ACSL1: variants seen among roughly 807,000 people sequenced by gnomAD.
ACSL1 encodes acyl-CoA synthetase long chain family member 1.
A neutral mutation model predicts 98.4 loss-of-function variants in ACSL1; 41 were observed. The observed-to-expected ratio is 0.42, with a 90% CI of 0.32 to 0.54. The LOEUF is 0.54. ACSL1 is among the 20% of genes least tolerant of loss of function. The probability of loss-of-function intolerance (pLI) is 0.13; values close to 1 mark genes in which losing one functional copy is unlikely to be tolerated. For synonymous variants in ACSL1, 316 were observed against 322.7 expected (o/e 0.98, Z 0.22); for missense variants, 734 against 883.1 (o/e 0.83, Z 2.14).
Position 184,766,302 on chromosome 4 carries a change from T to C in ACSL1, c.1264-316A>G, listed in dbSNP as rs1763604371. Among the ~76,000 whole-genome samples the C allele has an allele frequency of 6.6e-6, 1 of 152,176 alleles. No individual in the cohort carries two copies. Among genetic ancestry groups the C allele is most frequent in the African/African-American group, 2.4e-5 (1 of 41,418 alleles). ...TCTGGCCTTCTGGGGGGCATGATAT[T>C]GTTACACGTTATCACTCATGCTTGA... On this transcript the variant is annotated intron_variant, in intron 13 of 20. Coordinates refer to ENST00000281455, the MANE Select transcript of ACSL1 (RefSeq NM_001995.5). This position sits in a 1 kb window ranked among gnomAD's most constrained non-coding sequence, Gnocchi z 4.8.
chr4:184,782,089 T>C (rs377275252), intron 4 of ACSL1, among the ~76,000 whole-genome samples: 1 of 152,060 alleles, frequency 6.6e-6, no homozygotes, highest in Non-Finnish European at 1.5e-5. Context: ...AAGGTGACAA[T>C]AGGATGACAC....
At chr4:184,765,080 A>C (rs1763385727) in intron 14 of ACSL1, among the ~76,000 whole-genome samples, 155 bp from the exon 15 acceptor site, 2 of 152,222 alleles carry the variant, frequency 1.3e-5, no homozygotes, top group Admixed American at 1.3e-4. Context: ...TCAATGGTCC[A>C]GTGTGCTTTA....
At chr4:184,796,649 T>G (rs56228947) in intron 2 of ACSL1, among the ~76,000 whole-genome samples, 15,384 of 152,198 alleles carry the variant, frequency 0.1, 952 homozygotes, top group Non-Finnish European at 0.14. Flanking sequence ...CCTAAAAACA[T>G]CCCAGATTTC....
Position 184,766,062 on chromosome 4 carries a change from G to C in ACSL1, c.1264-76C>G. The stretch of plus-strand genomic sequence containing the variant: ...GGCGGCCTCTCCGCCAAGGGGGCCT[G>C]CTTGGGACCCCGTTCCCTAACCCAT... On this transcript the variant is annotated intron_variant, in intron 13 of 20. Coordinates refer to ENST00000281455, the MANE Select transcript of ACSL1 (RefSeq NM_001995.5). The surrounding 1 kb of genome is among the most constrained non-coding windows in gnomAD (Gnocchi z 4.8). 9 of 1,403,638 alleles carry C rather than the reference G, an allele frequency of 6.4e-6. No individual in the cohort carries two copies. Among genetic ancestry groups the C allele is most frequent in the Non-Finnish European group, 8.0e-6 (8 of 1,001,622 alleles). 86.9% of individuals were successfully genotyped at this position (1,403,638 alleles called of 1,614,324 possible).
intron 2 of ACSL1, among the ~76,000 whole-genome samples, chr4:184,796,929 G>C (rs538869808): frequency 4.6e-5 from 7 of 152,300 alleles, no homozygotes; most frequent in Admixed American, 3.9e-4. Flanking sequence ...CCTCCCACCT[G>C]GTTCAAAATC....
chr4:184,792,289 G>C (rs941140762), intron 2 of ACSL1, among the ~76,000 whole-genome samples: 16 of 152,086 alleles, frequency 1.1e-4, no homozygotes, highest in Admixed American at 1.0e-3. Flanking sequence ...TCGATGATAC[G>C]GGATAAAAGG....
At chr4:184,810,873 C>T (rs1221890548) in intron 1 of ACSL1, among the ~76,000 whole-genome samples, 1 of 152,182 alleles carries the variant, frequency 6.6e-6, no homozygotes, top group African/African-American at 2.4e-5. Context: ...GCGTCCTCGT[C>T]ACAGTCCTTA....
intron 3 of ACSL1, among the ~76,000 whole-genome samples, chr4:184,786,424 A>G (rs62338205): frequency 0.11 from 11,138 of 99,214 alleles, 435 homozygotes; most frequent in Admixed American, 0.15. Context: ...CAAAGCACAC[A>G]CACACACACA....
intron 18 of ACSL1, among the ~76,000 whole-genome samples, chr4:184,759,458 C>T (rs2150258915): frequency 6.6e-6 from 1 of 152,214 alleles, no homozygotes; most frequent in South Asian, 2.1e-4. Context: ...GGCTAATATC[C>T]AGAATCTACA....
intron 2 of ACSL1, among the ~76,000 whole-genome samples, chr4:184,793,237 T>C (rs1768727936): frequency 2.0e-5 from 3 of 150,010 alleles, no homozygotes; most frequent in Admixed American, 6.6e-5. Context: ...CCCACTACAG[T>C]GAAATCGGTG....
chr4:184,814,973 G>A (rs1255045439), intron 1 of ACSL1: 3 of 455,408 alleles, frequency 6.6e-6, no homozygotes, highest in Admixed American at 2.4e-5. Context: ...CTGACAATCA[G>A]AAAGCCTGAG....
chr4:184,784,074 A>T, intron 3 of ACSL1, 83 bp from the exon 4 acceptor site: 4 of 1,094,214 alleles, frequency 3.7e-6, no homozygotes, highest in Non-Finnish European at 5.5e-6. Flanking sequence ...CCGCACTCTA[A>T]TACTAAACAT....
chr4:184,766,168 G>C lies in ACSL1; in HGVS notation c.1264-182C>G, dbSNP rs770647002. Among the ~76,000 whole-genome samples the C allele has an allele frequency of 6.6e-6, 1 of 152,196 alleles. No homozygotes were observed. The highest frequency in any genetic ancestry group is 1.5e-5 in the Non-Finnish European group (1 of 68,028). ...ACAGGGCTACGGTTTGTTTCCACCC[G>C]TGACTGCCCTGTTCCCTCCCAATGG... On this transcript the variant is annotated intron_variant, in intron 13 of 20. Transcript: ENST00000281455. This position sits in a 1 kb window ranked among gnomAD's most constrained non-coding sequence, Gnocchi z 4.8.
At chr4:184,796,830 T>C (rs998792810) in intron 2 of ACSL1, among the ~76,000 whole-genome samples, 1 of 152,236 alleles carries the variant, frequency 6.6e-6, no homozygotes, top group African/African-American at 2.4e-5. Context: ...ACAGTATTTA[T>C]TAGGTCATAT....
intron 5 of ACSL1, among the ~76,000 whole-genome samples, chr4:184,778,480 T>G (rs1765672160): frequency 6.6e-6 from 1 of 152,196 alleles, no homozygotes; most frequent in Non-Finnish European, 1.5e-5. Context: ...GGTGTGAACG[T>G]GGGCATTCCC....
chr4:184,818,765 G>A (rs575775304), intron 1 of ACSL1, among the ~76,000 whole-genome samples: 9 of 152,272 alleles, frequency 5.9e-5, no homozygotes, highest in East Asian at 1.9e-4. Flanking sequence ...AAAGATGCAC[G>A]TGGGACAGAG....
At chr4:184,759,810 T>C (rs1762615759) in intron 18 of ACSL1, among the ~76,000 whole-genome samples, 1 of 152,198 alleles carries the variant, frequency 6.6e-6, no homozygotes, top group African/African-American at 2.4e-5. Flanking sequence ...GAAATACCAT[T>C]TGACCCAACT....
intron 18 of ACSL1, chr4:184,758,985 T>C (rs528503012): frequency 3.1e-5 from 1 of 31,996 alleles, no homozygotes; most frequent in South Asian, 1.8e-3. Flanking sequence ...CACCTATGAG[T>C]GACAACATGC....
chr4:184,802,181 A>T (rs1304428463), intron 2 of ACSL1, among the ~76,000 whole-genome samples: 1 of 152,272 alleles, frequency 6.6e-6, no homozygotes, highest in Non-Finnish European at 1.5e-5. Flanking sequence ...GTCATTCTAT[A>T]TTTATATTTT....
Sources: gnomAD v4.1 joint callset for allele counts (sites outside exome capture counted in the v4.1 genomes callset) on GRCh38, gnomAD v4.1.1 for gene constraint, Gnocchi (gnomAD v3.1) non-coding constraint, MANE v1.5 for transcripts, NCBI Gene and HGNC (gene_info 2026-07-23, HGNC 2026-07-21) for gene names.